Variants in PNPLA3 observed in about 807,000 individuals in gnomAD.
The protein encoded by PNPLA3 is 1-acylglycerol-3-phosphate O-acyltransferase PNPLA3.
A neutral mutation model predicts 43.1 loss-of-function variants in PNPLA3; 42 were observed. That is an observed-to-expected ratio of 0.97 (90% CI 0.76 to 1.26). The LOEUF (loss-of-function observed/expected upper bound fraction) is 1.26, where lower values mean the gene tolerates loss of function less well. Among genes scored for constraint, PNPLA3 ranks in the 50% most tolerant of loss-of-function variants. PNPLA3 has a pLI of 0.00. For synonymous variants in PNPLA3, 272 were observed against 253.6 expected (o/e 1.07, Z -0.69); for missense variants, 647 against 621.4 (o/e 1.04, Z -0.44).
intron 3 of PNPLA3, among the ~76,000 whole-genome samples, 174 bp from the exon 4 acceptor site, chr22:43,932,704 C>T (rs186959496): frequency 2.0e-5 from 3 of 152,328 alleles, no homozygotes; most frequent in African/African-American, 4.8e-5. Context: ...GTCCTAGCAC[C>T]GGAATGCTCG....
In PNPLA3 at chr22:43,926,931, C is replaced by G. The variant is rs765653982; in HGVS notation, c.188-4C>G. ...TCTTTCATGTATTTGTCTCCTGTCC[C>G]CAGAGCAGACTCTGCAGGTCCTCTC... On this transcript the variant is annotated splice_polypyrimidine_tract_variant and splice_region_variant and intron_variant, in intron 1 of 8. Coordinates refer to ENST00000216180, the MANE Select transcript of PNPLA3 (RefSeq NM_025225.3). 15 of 1,613,344 alleles carry G rather than the reference C, an allele frequency of 9.3e-6. No homozygotes were observed. The Admixed American group carries it at 2.5e-4, about 27-fold the overall frequency.
chr22:43,943,599 G>A (rs189061666), intron 7 of PNPLA3, among the ~76,000 whole-genome samples: 24 of 152,124 alleles, frequency 1.6e-4, no homozygotes, highest in Non-Finnish European at 2.6e-4. Flanking sequence ...CTCCTTCCTC[G>A]TTGCTCTTGC....
chr22:43,936,121 G>A (rs1603416689), intron 5 of PNPLA3, among the ~76,000 whole-genome samples: 2 of 152,306 alleles, frequency 1.3e-5, no homozygotes, highest in East Asian at 1.9e-4. Flanking sequence ...ATGGGTTGAG[G>A]GTTGAGGACA....
At chr22:43,924,680 C>G (rs1440984018) in intron 1 of PNPLA3, among the ~76,000 whole-genome samples, 1 of 151,208 alleles carries the variant, frequency 6.6e-6, no homozygotes, top group Non-Finnish European at 1.5e-5. Flanking sequence ...CGGAGTTTCG[C>G]TCAGTCGCCC....
At chr22:43,944,606 G>T in intron 7 of PNPLA3, 85 bp from the exon 8 acceptor site, 2 of 1,096,940 alleles carry the variant, frequency 1.8e-6, no homozygotes, top group Non-Finnish European at 2.8e-6. Context: ...AGGTGATGTT[G>T]GCAGCTTTTG....
At chr22:43,924,575 C>G (rs1448860712) in intron 1 of PNPLA3, among the ~76,000 whole-genome samples, 1 of 152,182 alleles carries the variant, frequency 6.6e-6, no homozygotes, top group Non-Finnish European at 1.5e-5. Context: ...TTGGCCGGTC[C>G]CCCACGGTGG....
chr22:43,926,783 A>G (rs763110387), intron 1 of PNPLA3, 152 bp from the exon 2 acceptor site: 5 of 632,298 alleles, frequency 7.9e-6, no homozygotes, highest in Non-Finnish European at 1.4e-5. Context: ...GCCACATTTC[A>G]AGGGCGTGAT....
rs759110832 is a variant in PNPLA3 at position 43,934,636 on chromosome 22, T to C, written c.727T>C (p.Leu243=). 1 of 1,613,952 alleles carries C rather than the reference T, an allele frequency of 6.2e-7. No homozygotes were observed. The highest frequency in any genetic ancestry group is 1.1e-5 in the South Asian group (1 of 91,076). The change falls in exon 5 of 9, where the codon TTG becomes CTG. Residue 243 remains leucine (L), a synonymous_variant. Coordinates refer to ENST00000216180, the MANE Select transcript of PNPLA3 (RefSeq NM_025225.3). Reference sequence around the variant, plus strand: ...GGGAGAGATATGCCTTCGAGGATATTTGGATGCATTCAGGTTCTTGGAAGA... The same window carrying C: ...GGGAGAGATATGCCTTCGAGGATATCTGGATGCATTCAGGTTCTTGGAAGA... ...VLGEICLRGY[L]DAFRFLEEKG...
In PNPLA3 at chr22:43,935,376, G is replaced by A. The variant is rs182352590; in HGVS notation, c.757+710G>A. Among the ~76,000 whole-genome samples the A allele has an allele frequency of 2.6e-5, 4 of 152,282 alleles. No individual in the cohort carries two copies. The East Asian group carries it at 7.7e-4, about 29-fold the overall frequency. ...CAGTGAACACAGAGGTGTGACCCTT[G>A]CCAGCCTTGTGAGAGAAGTGAGCAG... On this transcript the variant is annotated intron_variant, in intron 5 of 8. Transcript: ENST00000216180.
chr22:43,945,076 A>G (rs1271761865), intron 8 of PNPLA3, among the ~76,000 whole-genome samples: 1 of 152,214 alleles, frequency 6.6e-6, no homozygotes, highest in Non-Finnish European at 1.5e-5. Flanking sequence ...GAGAGGCCCC[A>G]GATAAGCAGG....
chr22:43,924,069 G>A lies in PNPLA3; in HGVS notation c.158G>A (p.Cys53Tyr), dbSNP rs1201221112. The change falls in exon 1 of 9, where the codon TGC (cysteine) becomes TAC (tyrosine). Residue 53 changes from cysteine to tyrosine, a missense_variant. Transcript: ENST00000216180. The stretch of plus-strand genomic sequence containing the variant: ...GGCGCTTCGGCCGGGGCGTTGCACT[G>A]CGTCGGCGTCCTCTCCGGTATCCCG... ...LFGASAGALH[C>Y]VGVLSGIPLE... 1 of 1,569,642 alleles carries A rather than the reference G, an allele frequency of 6.4e-7. No homozygotes were observed.
At chr22:43,932,810 T>C in intron 3 of PNPLA3, 68 bp from the exon 4 acceptor site, 1 of 1,438,022 alleles carries the variant, frequency 7.0e-7, no homozygotes, top group South Asian at 1.2e-5. Flanking sequence ...ATGTGAAAGC[T>C]TGTTAAGCAC....
In PNPLA3 at chr22:43,924,025, C is replaced by T. The variant is rs773337095; in HGVS notation, c.114C>T (p.Arg38=). 6.3e-7 allele frequency: 1 copy of T among 1,582,276 alleles called. No individual in the cohort carries two copies. The highest frequency in any genetic ancestry group is 2.4e-5 in the East Asian group (1 of 42,496). The stretch of plus-strand genomic sequence containing the variant: ...GCGAGCACGCCCCGCACCTCCTCCG[C>T]GACGCGCGCATGTTGTTCGGCGCTT... The part of the protein sequence containing the change: ...CLSEHAPHLL[R]DARMLFGASA... The change falls in exon 1 of 9, where the codon CGC becomes CGT. Residue 38 remains arginine (R), a synonymous_variant. Transcript: ENST00000216180.
intron 7 of PNPLA3, among the ~76,000 whole-genome samples, chr22:43,944,289 G>T (rs536810285): frequency 1.3e-5 from 2 of 152,264 alleles, no homozygotes; most frequent in East Asian, 3.9e-4. Flanking sequence ...GAGTCTAGAG[G>T]AGGTAGCGTT....
At chr22:43,936,743 G>T (rs1454519792) in intron 5 of PNPLA3, among the ~76,000 whole-genome samples, 2 of 152,204 alleles carry the variant, frequency 1.3e-5, no homozygotes, top group Admixed American at 6.5e-5. Flanking sequence ...CTGGAAGGCA[G>T]GTGTAACCAG....
At chr22:43,938,079 A>G (rs1434684435) in intron 6 of PNPLA3, among the ~76,000 whole-genome samples, 1 of 152,124 alleles carries the variant, frequency 6.6e-6, no homozygotes, top group Non-Finnish European at 1.5e-5. Flanking sequence ...CCCTCACCAG[A>G]CACCAACATG....
chr22:43,936,915 C>A, intron 5 of PNPLA3, 136 bp from the exon 6 acceptor site: 1 of 698,764 alleles, frequency 1.4e-6, no homozygotes, highest in Non-Finnish European at 2.5e-6. Flanking sequence ...TGCTCGTTCT[C>A]TTCCCTTCCC....
intron 1 of PNPLA3, among the ~76,000 whole-genome samples, chr22:43,926,500 T>C (rs60590913): frequency 6.6e-6 from 1 of 152,192 alleles, no homozygotes; most frequent in Non-Finnish European, 1.5e-5. Context: ...CCTGCTCGCC[T>C]GGGCTTCTGG....
chr22:43,931,580 A>T (rs1228777239), intron 3 of PNPLA3, among the ~76,000 whole-genome samples: 1 of 152,098 alleles, frequency 6.6e-6, no homozygotes, highest in Non-Finnish European at 1.5e-5. Flanking sequence ...CAGTGGCGCG[A>T]TCTCAGCTCA....
Sources: gnomAD v4.1 joint callset for allele counts (sites outside exome capture counted in the v4.1 genomes callset) on GRCh38, gnomAD v4.1.1 for gene constraint, MANE v1.5 for transcripts, NCBI Gene and HGNC (gene_info 2026-07-23, HGNC 2026-07-21) for gene names.